The following FAM163B variants were observed in gnomAD, a reference collection of about 807,000 sequenced individuals.
FAM163B encodes family with sequence similarity 163 member B.
In FAM163B, 4 loss-of-function variants were observed where a neutral mutation model predicts 7.6. That is an observed-to-expected ratio of 0.52 (90% CI 0.26 to 1.20). The LOEUF (loss-of-function observed/expected upper bound fraction) is 1.20. FAM163B is among the 50% of genes most tolerant of loss of function. FAM163B has a pLI of 0.14. For missense variants in FAM163B, 250 were observed against 243.0 expected, an observed-to-expected ratio of 1.03 and a Z score of -0.19; for synonymous variants, 120 against 111.6, an observed-to-expected ratio of 1.07 and a Z score of -0.47.
chr9:133,579,216 A>G lies in FAM163B; in HGVS notation c.307T>C (p.Phe103Leu). ...SCSHCEPPTFFLQEPPEEEED... is the reference protein window; with the variant it reads ...SCSHCEPPTFLLQEPPEEEED... ...TCCTCCTCCGGCGGCTCCTGCAGGA[A>G]GAAGGTGGGGGGCTCGCAGTGGGAG... is the stretch of plus-strand genomic sequence containing the variant. Residue 103 changes from phenylalanine (F) to leucine (L), a missense_variant, in exon 3 of 3, where the codon TTC (phenylalanine) becomes CTC (leucine). Phe to Leu is a conservative substitution (Grantham distance 22). Transcript: ENST00000673969. 1 of 1,612,092 alleles carries G rather than the reference A, an allele frequency of 6.2e-7. No homozygotes were observed. Among genetic ancestry groups the G allele is most frequent in the Non-Finnish European group, 8.5e-7 (1 of 1,179,776 alleles).
At position 133,606,519 on chromosome 9, in the gene FAM163B, C is replaced by T. The variant is rs1233847923; in HGVS notation, c.-24+2558G>A. On this transcript the variant is annotated intron_variant, in intron 1 of 2. Coordinates refer to ENST00000673969, the MANE Select transcript of FAM163B (RefSeq NM_001080515.3). This position sits in a 1 kb window ranked among gnomAD's most constrained non-coding sequence, Gnocchi z 4.0. The stretch of plus-strand genomic sequence containing the variant: ...CTCTTGGCATCCAAAAGCCTTTTGG[C>T]CAGGCTCACGGTTGCCCCGGTGTCC... Among the ~76,000 whole-genome samples the T allele has an allele frequency of 2.0e-5, 3 of 152,220 alleles. No homozygotes were observed. The highest frequency in any genetic ancestry group is 4.4e-5 in the Non-Finnish European group (3 of 68,044).
At chr9:133,588,946 G>A (rs1160227389) in intron 1 of FAM163B, among the ~76,000 whole-genome samples, 1 of 152,018 alleles carries the variant, frequency 6.6e-6, no homozygotes, top group Non-Finnish European at 1.5e-5. Flanking sequence ...TGACCACCTC[G>A]TGGTCTGAAA....
intron 1 of FAM163B, chr9:133,586,107 C>T (rs1831433652): frequency 6.6e-6 from 1 of 152,264 alleles, no homozygotes; most frequent in South Asian, 2.1e-4. Flanking sequence ...CAGTAATAAA[C>T]AGACGAGGAA....
intron 1 of FAM163B, among the ~76,000 whole-genome samples, chr9:133,597,505 G>A (rs953172716): frequency 2.0e-5 from 3 of 152,066 alleles, no homozygotes; most frequent in Non-Finnish European, 2.9e-5. Context: ...AAGTTCAAGG[G>A]GTCTAATATA....
At chr9:133,607,168 A>G (rs1831800380) in intron 1 of FAM163B, among the ~76,000 whole-genome samples, 1 of 152,138 alleles carries the variant, frequency 6.6e-6, no homozygotes, top group Admixed American at 6.5e-5. Flanking sequence ...AGATGAACAG[A>G]GCTGTAATGG....
At chr9:133,596,649 G>T (rs1247476676) in intron 1 of FAM163B, among the ~76,000 whole-genome samples, 2 of 152,178 alleles carry the variant, frequency 1.3e-5, no homozygotes, top group African/African-American at 4.8e-5. Context: ...TCCCTGAGTT[G>T]CAGAGAGAGA....
At position 133,580,230 on chromosome 9, in the gene FAM163B, C is replaced by G; in HGVS notation, c.-7G>C. On this transcript the variant is annotated 5_prime_UTR_variant, in exon 2 of 3. Coordinates refer to ENST00000673969, the MANE Select transcript of FAM163B (RefSeq NM_001080515.3). ...CCACGGTCCCGGCTGTCATCCGCCC[C>G]CTTCTCCATCAACAGCCTGCAACAC... 1 of 1,612,884 alleles carries G rather than the reference C, an allele frequency of 6.2e-7. No individual in the cohort carries two copies. Among genetic ancestry groups the G allele is most frequent in the Non-Finnish European group, 8.5e-7 (1 of 1,179,588 alleles).
chr9:133,592,418 C>T (rs1290923878), intron 1 of FAM163B, among the ~76,000 whole-genome samples: 3 of 152,308 alleles, frequency 2.0e-5, no homozygotes, highest in Non-Finnish European at 2.9e-5. Context: ...GAGGGTGTGT[C>T]CAGCAGCCAC....
At chr9:133,590,467 G>A (rs375965133) in intron 1 of FAM163B, among the ~76,000 whole-genome samples, 253 of 152,168 alleles carry the variant, frequency 1.7e-3, no homozygotes, top group Middle Eastern at 0.01. Flanking sequence ...AGGCACAGCC[G>A]GCGCAGGCAC....
chr9:133,604,895 G>T (rs1564198723), intron 1 of FAM163B, among the ~76,000 whole-genome samples: 1 of 152,230 alleles, frequency 6.6e-6, no homozygotes, highest in Non-Finnish European at 1.5e-5. Flanking sequence ...CGGTTCTCCA[G>T]AGACCCGGGA....
At position 133,595,429 on chromosome 9, in the gene FAM163B, G is replaced by A. The variant is rs547324398; in HGVS notation, c.-24+13648C>T. ...CTCCCAAAGTGCTGGGATTACAGGC[G>A]TGAGCCACTGCACCCGGCCAGGACT... On this transcript the variant is annotated intron_variant, in intron 1 of 2. Coordinates refer to ENST00000673969, the MANE Select transcript of FAM163B (RefSeq NM_001080515.3). Among the ~76,000 whole-genome samples, 9 of 152,312 alleles carry A rather than the reference G, an allele frequency of 5.9e-5. No individual in the cohort carries two copies. The East Asian group carries it at 7.7e-4, about 13-fold the overall frequency.
chr9:133,577,576 T>G lies in FAM163B; in HGVS notation c.*1446A>C, dbSNP rs1831272273. On this transcript the variant is annotated 3_prime_UTR_variant, in exon 3 of 3. Transcript: ENST00000673969. The stretch of plus-strand genomic sequence containing the variant: ...CACCCCTCCGCTCAGGGAAGGTCAC[T>G]GCCCGGCCAAGCCTTGTCTTTGAGG... 6.6e-6 allele frequency among the ~76,000 whole-genome samples: 1 copy of G among 152,236 alleles called. No homozygotes were observed. The highest frequency in any genetic ancestry group is 1.5e-5 in the Non-Finnish European group (1 of 68,036).
At position 133,577,641 on chromosome 9, in the gene FAM163B, TG is replaced by T. The variant is rs1240781751; in HGVS notation, c.*1380del. Among the ~76,000 whole-genome samples the T allele has an allele frequency of 2.6e-5, 4 of 152,144 alleles. No individual in the cohort carries two copies. Among genetic ancestry groups the T allele is most frequent in the African/African-American group, 9.7e-5 (4 of 41,436 alleles). Reference sequence around the variant, plus strand: ...GGGCAGAGAGGGGCTGCCCCGGCCCTGGGGCTCCATGGCAGGGCACAAAAGG... The same window carrying T: ...GGGCAGAGAGGGGCTGCCCCGGCCCTGGGCTCCATGGCAGGGCACAAAAGG... On this transcript the variant is annotated 3_prime_UTR_variant, in exon 3 of 3. Transcript: ENST00000673969.
At chr9:133,589,206 C>T (rs1438733402) in intron 1 of FAM163B, among the ~76,000 whole-genome samples, 3 of 152,206 alleles carry the variant, frequency 2.0e-5, no homozygotes, top group Non-Finnish European at 4.4e-5. Flanking sequence ...CTCACTCAAA[C>T]ACCCTGCATG....
chr9:133,589,626 G>GCACACACA (rs142297232), intron 1 of FAM163B, among the ~76,000 whole-genome samples: 47 of 57,798 alleles, frequency 8.1e-4, no homozygotes, highest in East Asian at 2.7e-3. Context: ...GCGACACAGC[G>GCACACACA]CGCACACACA....
At chr9:133,602,303 G>C (rs1385514560) in intron 1 of FAM163B, among the ~76,000 whole-genome samples, 1 of 152,244 alleles carries the variant, frequency 6.6e-6, no homozygotes, top group Non-Finnish European at 1.5e-5. Context: ...CTAGGGCACA[G>C]AGAGGTTTAG....
intron 1 of FAM163B, among the ~76,000 whole-genome samples, chr9:133,589,927 C>G (rs115271240): frequency 6.6e-6 from 1 of 151,998 alleles, no homozygotes; most frequent in African/African-American, 2.4e-5. Flanking sequence ...GGCCTGAAAA[C>G]CCCGGGCAAG....
At chr9:133,587,996 G>C (rs1380374391) in intron 1 of FAM163B, among the ~76,000 whole-genome samples, 2 of 151,826 alleles carry the variant, frequency 1.3e-5, no homozygotes, top group African/African-American at 2.4e-5. Flanking sequence ...GGGGAGGGGA[G>C]GGGAGGGTGG....
intron 1 of FAM163B, among the ~76,000 whole-genome samples, chr9:133,588,837 C>A (rs57113100): frequency 6.6e-6 from 1 of 151,164 alleles, no homozygotes; most frequent in Non-Finnish European, 1.5e-5. Context: ...TGGTCGTGGG[C>A]GCCAAGTTGT....
Sources: gnomAD v4.1 joint callset for allele counts (sites outside exome capture counted in the v4.1 genomes callset) on GRCh38, gnomAD v4.1.1 for gene constraint, Gnocchi (gnomAD v3.1) non-coding constraint, MANE v1.5 for transcripts, NCBI Gene and HGNC (gene_info 2026-07-23, HGNC 2026-07-21) for gene names.